Variants in LRRTM3 observed in about 807,000 individuals in gnomAD.
LRRTM3 encodes the protein leucine-rich repeat transmembrane neuronal protein 3.
Under a neutral mutation model 44.7 loss-of-function variants are expected in LRRTM3, and 24 were observed. That is an observed-to-expected ratio of 0.54 (90% CI 0.39 to 0.76). The LOEUF (loss-of-function observed/expected upper bound fraction) is 0.76. LRRTM3 is among the 30% of genes least tolerant of loss of function. LRRTM3 has a pLI of 0.00. For missense variants in LRRTM3, 587 were observed against 702.2 expected (o/e 0.84, Z 1.85); for synonymous variants, 277 against 278.7 (o/e 0.99, Z 0.06).
chr10:66,926,262 T>G lies in LRRTM3; in HGVS notation c.-322T>G, dbSNP rs1404307754. On this transcript the variant is annotated 5_prime_UTR_variant, in exon 1 of 3. Transcript: ENST00000361320. ...GATAAGAAGAAATTGTAGGATCCAG[T>G]TTTTTTTTTAACCGCCCCCTCCCCA... is the stretch of plus-strand genomic sequence containing the variant. The G allele has an allele frequency of 2.7e-6, 1 of 368,464 alleles. No homozygotes were observed. The highest frequency in any genetic ancestry group is 5.1e-6 in the Non-Finnish European group (1 of 195,500). The allele number at this position is 368,464 out of a possible 1,614,324, so 22.8% of individuals were successfully genotyped here. A position where few individuals can be genotyped will look rare whatever the true frequency, so the allele number is the denominator to read the frequency against.
chr10:66,989,968 A>G (rs1850954322), intron 2 of LRRTM3, among the ~76,000 whole-genome samples: 1 of 152,182 alleles, frequency 6.6e-6, no homozygotes. Context: ...AGCCACCTCA[A>G]TATCTTAGTT....
At chr10:66,930,737 C>A (rs1468688436) in intron 2 of LRRTM3, among the ~76,000 whole-genome samples, 1 of 152,032 alleles carries the variant, frequency 6.6e-6, no homozygotes, top group Admixed American at 6.5e-5. Context: ...TATGATATAA[C>A]ACTAAATGAA....
chr10:67,063,800 C>G (rs1855902369), intron 2 of LRRTM3, among the ~76,000 whole-genome samples: 1 of 152,194 alleles, frequency 6.6e-6, no homozygotes, highest in African/African-American at 2.4e-5. Flanking sequence ...TGGAGAAGAT[C>G]TCTAAGTTGC....
intron 2 of LRRTM3, among the ~76,000 whole-genome samples, chr10:66,951,280 C>A (rs1193575313): frequency 1.3e-5 from 2 of 151,780 alleles, no homozygotes; most frequent in Non-Finnish European, 2.9e-5. Context: ...CACCCCTGGC[C>A]AATTTTTGTA....
chr10:66,929,545 G>A (rs1276865175), intron 2 of LRRTM3, among the ~76,000 whole-genome samples: 1 of 152,098 alleles, frequency 6.6e-6, no homozygotes, highest in East Asian at 1.9e-4. Context: ...TCCAAGACGT[G>A]CCTTCCACCC....
chr10:66,974,329 G>A (rs759366686), intron 2 of LRRTM3, among the ~76,000 whole-genome samples: 4 of 152,174 alleles, frequency 2.6e-5, no homozygotes, highest in Non-Finnish European at 4.4e-5. Flanking sequence ...CTTCTTAGCA[G>A]TTCATTCATT....
chr10:67,084,090 C>A (rs1331546812), intron 2 of LRRTM3, among the ~76,000 whole-genome samples: 1 of 151,974 alleles, frequency 6.6e-6, no homozygotes, highest in African/African-American at 2.4e-5. Flanking sequence ...TAAACAAGCA[C>A]AAAATATGAT....
At chr10:67,020,997 T>C (rs1852975421) in intron 2 of LRRTM3, among the ~76,000 whole-genome samples, 1 of 152,198 alleles carries the variant, frequency 6.6e-6, no homozygotes, top group Non-Finnish European at 1.5e-5. Context: ...AAGTCTGAGA[T>C]ACCAACTGAA....
chr10:66,965,517 G>C (rs532219434), intron 2 of LRRTM3, among the ~76,000 whole-genome samples: 3 of 146,520 alleles, frequency 2.0e-5, no homozygotes, highest in African/African-American at 7.5e-5. Context: ...CCTGGCGACA[G>C]AGCAAGACTC....
intron 2 of LRRTM3, among the ~76,000 whole-genome samples, chr10:66,972,158 A>G (rs1849757247): frequency 6.6e-6 from 1 of 152,164 alleles, no homozygotes; most frequent in Non-Finnish European, 1.5e-5. Context: ...TTAACAACAT[A>G]TAGTCAATTT....
chr10:67,009,880 G>A (rs1925622), intron 2 of LRRTM3, among the ~76,000 whole-genome samples: 75,188 of 151,908 alleles, frequency 0.49, 19,799 homozygotes, highest in Middle Eastern at 0.72. Context: ...TGGTTTGTAC[G>A]TACTGTCTCT....
intron 2 of LRRTM3, among the ~76,000 whole-genome samples, chr10:67,011,136 T>C (rs111618239): frequency 0.016 from 2,468 of 152,216 alleles, 85 homozygotes; most frequent in African/African-American, 0.055. Context: ...AAGACCATCC[T>C]GGCTAACACG....
intron 2 of LRRTM3, among the ~76,000 whole-genome samples, chr10:66,996,071 T>C (rs1851319345): frequency 1.3e-5 from 2 of 152,186 alleles, no homozygotes; most frequent in Non-Finnish European, 2.9e-5. Flanking sequence ...TGTAATATTA[T>C]CCTACTAAAC....
intron 2 of LRRTM3, among the ~76,000 whole-genome samples, chr10:66,965,295 G>T (rs2132794985): frequency 6.6e-6 from 1 of 152,088 alleles, no homozygotes; most frequent in Admixed American, 6.5e-5. Flanking sequence ...TCAACACTTT[G>T]GGAGGCTAAG....
intron 2 of LRRTM3, among the ~76,000 whole-genome samples, chr10:67,094,522 A>T (rs1348815630): frequency 6.6e-6 from 1 of 151,826 alleles, no homozygotes; most frequent in Admixed American, 6.6e-5. Context: ...TACCTAAATC[A>T]CTTGGTCCTT....
At chr10:67,019,346 G>A (rs532248762) in intron 2 of LRRTM3, among the ~76,000 whole-genome samples, 3 of 152,264 alleles carry the variant, frequency 2.0e-5, no homozygotes, top group Admixed American at 6.5e-5. Context: ...ACCCTCCCAA[G>A]TAGCTGGGAT....
At chr10:67,049,512 T>G (rs74141773) in intron 2 of LRRTM3, among the ~76,000 whole-genome samples, 1 of 152,108 alleles carries the variant, frequency 6.6e-6, no homozygotes, top group Non-Finnish European at 1.5e-5. Context: ...ACTCACCCAG[T>G]TTACTGATAA....
intron 2 of LRRTM3, among the ~76,000 whole-genome samples, chr10:67,048,132 C>G (rs1854863928): frequency 6.6e-6 from 1 of 152,070 alleles, no homozygotes; most frequent in Admixed American, 6.5e-5. Context: ...CCTTCACGGT[C>G]TTCCTCCCTT....
At chr10:66,931,558 G>T (rs114114376) in intron 2 of LRRTM3, among the ~76,000 whole-genome samples, 1 of 152,186 alleles carries the variant, frequency 6.6e-6, no homozygotes, top group Non-Finnish European at 1.5e-5. Flanking sequence ...GACCTCTAGT[G>T]TCTGGTTAGA....
Sources: allele counts gnomAD v4.1 joint callset (sites outside exome capture counted in the v4.1 genomes callset), GRCh38; gene constraint gnomAD v4.1.1; transcripts MANE v1.5; gene names NCBI Gene and HGNC (gene_info 2026-07-23, HGNC 2026-07-21).